Variants in WDR70 observed in about 807,000 individuals in gnomAD.
WDR70 encodes the protein WD repeat-containing protein 70.
In WDR70, 53 loss-of-function variants were observed where a neutral mutation model predicts 88.6. That is an observed-to-expected ratio of 0.60 (90% CI 0.48 to 0.75). The LOEUF (loss-of-function observed/expected upper bound fraction) is 0.75, where lower values mean the gene tolerates loss of function less well. WDR70 is among the 30% of genes least tolerant of loss of function. The probability of loss-of-function intolerance (pLI) is 0.00; values close to 1 mark genes in which losing one functional copy is unlikely to be tolerated. For synonymous variants in WDR70, 280 were observed against 270.0 expected (o/e 1.04, Z -0.36); for missense variants, 610 against 823.2 (o/e 0.74, Z 3.17).
chr5:37,742,688 T>C (rs192001366), intron 17 of WDR70, among the ~76,000 whole-genome samples: 9 of 152,334 alleles, frequency 5.9e-5, no homozygotes, highest in Admixed American at 5.9e-4. Context: ...CTATGAGTTA[T>C]ATAGTTTTAT....
intron 9 of WDR70, among the ~76,000 whole-genome samples, chr5:37,602,313 C>G (rs937738458): frequency 9.0e-5 from 13 of 144,398 alleles, no homozygotes; most frequent in Non-Finnish European, 1.9e-4. Context: ...AAGATCAGTA[C>G]ACTGAAAACT....
chr5:37,390,595 C>T (rs573322333), intron 3 of WDR70, among the ~76,000 whole-genome samples: 1 of 152,056 alleles, frequency 6.6e-6, no homozygotes, highest in Non-Finnish European at 1.5e-5. Context: ...CTGTCTCGGC[C>T]TCCCAAAGTG....
chr5:37,447,308 A>G (rs1351435867), intron 7 of WDR70, among the ~76,000 whole-genome samples: 1 of 152,160 alleles, frequency 6.6e-6, no homozygotes, highest in Non-Finnish European at 1.5e-5. Context: ...GAGAGGATGT[A>G]GAGAAATAGG....
chr5:37,639,776 G>A (rs1745057899), intron 10 of WDR70, among the ~76,000 whole-genome samples: 1 of 152,060 alleles, frequency 6.6e-6, no homozygotes, highest in Non-Finnish European at 1.5e-5. Flanking sequence ...CATATTCTGA[G>A]AATTAATAAT....
intron 9 of WDR70, among the ~76,000 whole-genome samples, chr5:37,524,983 T>A (rs548292368): frequency 1.3e-5 from 2 of 152,178 alleles, no homozygotes; most frequent in East Asian, 3.9e-4. Context: ...ACAAAGCAAG[T>A]CCTTAGAGAC....
At chr5:37,529,413 G>C (rs553919545) in intron 9 of WDR70, among the ~76,000 whole-genome samples, 12 of 152,226 alleles carry the variant, frequency 7.9e-5, no homozygotes, top group African/African-American at 2.9e-4. Context: ...GCTTTTGGCA[G>C]TATGGTCATT....
At chr5:37,567,275 C>G (rs1742772881) in intron 9 of WDR70, among the ~76,000 whole-genome samples, 2 of 152,074 alleles carry the variant, frequency 1.3e-5, no homozygotes, top group Admixed American at 6.6e-5. Flanking sequence ...TCCATGGTCT[C>G]AGGAGCATGC....
chr5:37,443,392 A>T lies in WDR70; in HGVS notation c.686+20A>T, dbSNP rs191778579. 1,697 of 1,612,664 alleles carry T rather than the reference A, an allele frequency of 1.1e-3. 18 individuals are homozygous for T. The highest frequency in any genetic ancestry group is 7.5e-3 in the South Asian group (681 of 90,656). On this transcript the variant is annotated intron_variant, in intron 7 of 17. Coordinates refer to ENST00000265107, the MANE Select transcript of WDR70 (RefSeq NM_018034.4). ...TGAGTGGTATGTATTCACTTACTTA[A>T]TATCTTCATATTTGACCTAATGTCT...
intron 9 of WDR70, among the ~76,000 whole-genome samples, chr5:37,581,719 C>T (rs1332419190): frequency 6.6e-6 from 1 of 152,142 alleles, no homozygotes; most frequent in Non-Finnish European, 1.5e-5. Flanking sequence ...AAAAAGTACA[C>T]ATATATACGA....
chr5:37,578,897 C>T (rs1304516118), intron 9 of WDR70, among the ~76,000 whole-genome samples: 1 of 152,220 alleles, frequency 6.6e-6, no homozygotes, highest in East Asian at 1.9e-4. Context: ...CATATCTCTT[C>T]CACATGTTGT....
chr5:37,418,765 T>C (rs893174227), intron 5 of WDR70, among the ~76,000 whole-genome samples: 10 of 151,984 alleles, frequency 6.6e-5, no homozygotes, highest in Non-Finnish European at 1.2e-4. Context: ...TTTCTTCTTC[T>C]TTTTTTTCCT....
chr5:37,685,033 T>A (rs2112624702), intron 10 of WDR70, among the ~76,000 whole-genome samples: 1 of 152,240 alleles, frequency 6.6e-6, no homozygotes, highest in South Asian at 2.1e-4. Context: ...TGCATGTTCA[T>A]GCAGCCAGGG....
intron 9 of WDR70, among the ~76,000 whole-genome samples, chr5:37,558,967 C>T (rs1013548467): frequency 2.6e-5 from 4 of 151,008 alleles, no homozygotes; most frequent in African/African-American, 7.3e-5. Flanking sequence ...AATCTAGCTC[C>T]GTCGCCTGGG....
At chr5:37,494,233 A>G (rs1740149866) in intron 8 of WDR70, among the ~76,000 whole-genome samples, 1 of 152,178 alleles carries the variant, frequency 6.6e-6, no homozygotes, top group Admixed American at 6.5e-5. Flanking sequence ...TAGCAGAGAC[A>G]TTTCCTAGTT....
At chr5:37,622,046 C>T (rs954985922) in intron 10 of WDR70, among the ~76,000 whole-genome samples, 13 of 152,054 alleles carry the variant, frequency 8.5e-5, no homozygotes, top group South Asian at 4.1e-4. Context: ...TGTAGATATG[C>T]GGCATTATTT....
intron 3 of WDR70, among the ~76,000 whole-genome samples, chr5:37,390,764 T>G (rs940726111): frequency 2.7e-5 from 4 of 150,446 alleles, no homozygotes; most frequent in African/African-American, 9.9e-5. Flanking sequence ...CTGCCCAGGC[T>G]GGAGTGCAAT....
chr5:37,486,634 C>T (rs2112178177), intron 8 of WDR70, among the ~76,000 whole-genome samples: 1 of 152,276 alleles, frequency 6.6e-6, no homozygotes, highest in African/African-American at 2.4e-5. Flanking sequence ...CGTGAGCCAC[C>T]ATGCCCGGCC....
intron 17 of WDR70, 112 bp from the exon 18 acceptor site, chr5:37,752,374 G>T: frequency 2.7e-5 from 18 of 656,888 alleles, no homozygotes; most frequent in South Asian, 8.2e-5. Flanking sequence ...TTTAATAATT[G>T]AGTTGTAATT....
At chr5:37,486,002 A>C (rs1475067961) in intron 8 of WDR70, among the ~76,000 whole-genome samples, 2 of 151,738 alleles carry the variant, frequency 1.3e-5, no homozygotes, top group Non-Finnish European at 2.9e-5. Flanking sequence ...GGCGTTAGCC[A>C]CTGTGCCTGG....
Sources: allele counts gnomAD v4.1 joint callset (sites outside exome capture counted in the v4.1 genomes callset), GRCh38; gene constraint gnomAD v4.1.1; transcripts MANE v1.5; gene names NCBI Gene and HGNC (gene_info 2026-07-23, HGNC 2026-07-21).